TXNL4A: variants seen among roughly 807,000 people sequenced by gnomAD.
The protein encoded by TXNL4A is thioredoxin-like protein 4A.
TXNL4A carries 17 observed loss-of-function variants against 14.6 expected under a neutral mutation model. The ratio of observed to expected loss-of-function variants is 1.16; its 90% CI spans 0.80 to 1.74. TXNL4A has a LOEUF of 1.74. Ranked by LOEUF, TXNL4A falls within the 40% of genes most tolerant of loss-of-function variation. The probability of loss-of-function intolerance (pLI) is 0.00; values close to 1 mark genes in which losing one functional copy is unlikely to be tolerated. For missense variants in TXNL4A, 74 were observed against 195.2 expected (o/e 0.38, Z 3.70); for synonymous variants, 83 against 70.6 (o/e 1.18, Z -0.88).
chr18:79,995,018 T>C (rs2051651680), intron 1 of TXNL4A: 1 of 152,224 alleles, frequency 6.6e-6, no homozygotes, highest in Non-Finnish European at 1.5e-5. Flanking sequence ...GGGACTCCTC[T>C]CATGATCAAC....
chr18:80,023,730 G>A (rs1186599788), intron 1 of TXNL4A, among the ~76,000 whole-genome samples: 4 of 152,120 alleles, frequency 2.6e-5, no homozygotes, highest in Non-Finnish European at 5.9e-5. Flanking sequence ...CTAAAATATT[G>A]AATTCCCTGC....
chr18:79,976,590 G>A (rs1171103732), intron 2 of TXNL4A: 1 of 300,978 alleles, frequency 3.3e-6, no homozygotes, highest in Non-Finnish European at 6.6e-6. Flanking sequence ...GGCCCTGCCT[G>A]GATGTCTGAC....
intron 1 of TXNL4A, chr18:79,977,959 A>G (rs2051404656): frequency 6.8e-6 from 3 of 438,540 alleles, no homozygotes; most frequent in East Asian, 7.6e-5. Flanking sequence ...GTGAGCCATC[A>G]CTCCTGGCCA....
intron 1 of TXNL4A, among the ~76,000 whole-genome samples, chr18:80,013,051 C>T (rs1372136689): frequency 6.8e-6 from 1 of 146,926 alleles, no homozygotes; most frequent in African/African-American, 2.5e-5. Flanking sequence ...AGTCAGCCCT[C>T]GACACAAGGG....
chr18:79,991,007 C>T (rs1344936181), upstream of TXNL4A, among the ~76,000 whole-genome samples: 1 of 149,746 alleles, frequency 6.7e-6, no homozygotes, highest in African/African-American at 2.5e-5. Context: ...ACTCGGGAGG[C>T]TGAGGCAGGA....
chr18:79,985,546 C>G (rs1429290049), intron 1 of TXNL4A, among the ~76,000 whole-genome samples: 1 of 152,218 alleles, frequency 6.6e-6, no homozygotes. Context: ...AGACACAGTG[C>G]CCAGATGAAA....
At chr18:79,987,684 C>G (rs1015745364) in intron 1 of TXNL4A, among the ~76,000 whole-genome samples, 2 of 152,176 alleles carry the variant, frequency 1.3e-5, no homozygotes, top group African/African-American at 4.8e-5. Context: ...ATTCAGAGAA[C>G]TAATTCTAAC....
At chr18:79,986,587 AC>A in intron 1 of TXNL4A, 1 of 985,422 alleles carries the variant, frequency 1.0e-6, no homozygotes, top group Non-Finnish European at 1.2e-6. Context: ...TCTGGCAAAG[AC>A]CCTAAACACT....
At chr18:80,000,646 T>G (rs770407744) in intron 1 of TXNL4A, among the ~76,000 whole-genome samples, 1 of 151,884 alleles carries the variant, frequency 6.6e-6, no homozygotes, top group Non-Finnish European at 1.5e-5. Context: ...GGAGCCAAAT[T>G]TTTTGTTTGT....
intron 1 of TXNL4A, among the ~76,000 whole-genome samples, chr18:80,005,810 AGG>A (rs1292441622): frequency 6.6e-6 from 1 of 152,202 alleles, no homozygotes; most frequent in Non-Finnish European, 1.5e-5. Flanking sequence ...GCTACTTGGG[AGG>A]CTGAGGCAGG....
rs1173504960 is a variant in TXNL4A at position 79,971,735 on chromosome 18, CT to C, written c.*1949del. On this transcript the variant is annotated 3_prime_UTR_variant, in exon 3 of 3. Transcript: ENST00000269601. ...CATCCTTGCAAACGCTTGTTGCGAT[CT>C]TTTTGTATCTAGCCGAACTTGTAGG... The C allele has an allele frequency of 1.3e-5, 2 of 152,194 alleles. No homozygotes were observed. Among genetic ancestry groups the C allele is most frequent in the Non-Finnish European group, 2.9e-5 (2 of 68,040 alleles). 9.4% of individuals were successfully genotyped at this position (152,194 alleles called of 1,614,324 possible). A position where few individuals can be genotyped will look rare whatever the true frequency, so the allele number is the denominator to read the frequency against.
At chr18:80,023,803 T>C (rs1251967330) in intron 1 of TXNL4A, among the ~76,000 whole-genome samples, 1 of 152,230 alleles carries the variant, frequency 6.6e-6, no homozygotes, top group East Asian at 1.9e-4. Context: ...AGACACTGAC[T>C]AACTTTACCC....
intron 1 of TXNL4A, among the ~76,000 whole-genome samples, chr18:80,004,662 T>C (rs573244954): frequency 3.3e-5 from 5 of 152,258 alleles, no homozygotes; most frequent in Admixed American, 2.0e-4. Flanking sequence ...TGTGTACACA[T>C]TGAATTTAGA....
At chr18:79,983,450 C>A (rs558033414) in intron 1 of TXNL4A, among the ~76,000 whole-genome samples, 1 of 152,176 alleles carries the variant, frequency 6.6e-6, no homozygotes, top group Non-Finnish European at 1.5e-5. Flanking sequence ...AGTCCACCTG[C>A]CAAGTTACAA....
intron 1 of TXNL4A, among the ~76,000 whole-genome samples, chr18:80,033,628 T>C (rs551966768): frequency 6.6e-6 from 1 of 152,252 alleles, no homozygotes; most frequent in Non-Finnish European, 1.5e-5. Context: ...GATGCCTTCG[T>C]TGCTTTGTGC....
intron 1 of TXNL4A, among the ~76,000 whole-genome samples, chr18:80,018,297 G>C (rs1289990612): frequency 6.6e-6 from 1 of 152,096 alleles, no homozygotes; most frequent in Non-Finnish European, 1.5e-5. Context: ...CGAGAACAAA[G>C]ACACAACATA....
rs537911622 is a variant in TXNL4A at position 80,011,268 on chromosome 18, G to T, written c.-61+22583C>A. On this transcript the variant is annotated intron_variant, in intron 1 of 2. Coordinates refer to the TXNL4A transcript ENST00000585474. The surrounding 1 kb of genome is among the most constrained non-coding windows in gnomAD (Gnocchi z 4.1). ...AAAAGGGATTGTAGCCAACTGGGAC[G>T]GGAGTTTGCATTTTCCCTTAATTTG... 3.3e-5 allele frequency among the ~76,000 whole-genome samples: 5 copies of T among 152,272 alleles called. No homozygotes were observed. In the South Asian group the frequency reaches 1.0e-3, roughly 32 times the overall value.
chr18:79,976,578 C>T (rs928212490), intron 2 of TXNL4A: 16 of 291,972 alleles, frequency 5.5e-5, no homozygotes, highest in African/African-American at 1.6e-4. Flanking sequence ...AGGAATCCAG[C>T]GGGCCCTGCC....
chr18:79,999,084 C>A (rs572292607), intron 1 of TXNL4A, among the ~76,000 whole-genome samples: 4 of 152,094 alleles, frequency 2.6e-5, no homozygotes, highest in African/African-American at 9.7e-5. Context: ...TGCCCTGACC[C>A]GAGCTTGTCA....
Sources: gnomAD v4.1 joint callset for allele counts (sites outside exome capture counted in the v4.1 genomes callset) on GRCh38, gnomAD v4.1.1 for gene constraint, Gnocchi (gnomAD v3.1) non-coding constraint, MANE v1.5 for transcripts, NCBI Gene and HGNC (gene_info 2026-07-23, HGNC 2026-07-21) for gene names.